PRDM2: variants seen among roughly 807,000 people sequenced by gnomAD.
PRDM2 encodes the protein PR domain zinc finger protein 2.
In PRDM2, 30 loss-of-function variants were observed where a neutral mutation model predicts 130.0. The observed-to-expected ratio is 0.23, with a 90% CI of 0.17 to 0.31. PRDM2 has a LOEUF of 0.31. PRDM2 is among the 10% of genes least tolerant of loss of function. PRDM2 has a pLI of 1.00. For synonymous variants in PRDM2, 871 were observed against 782.4 expected, an observed-to-expected ratio of 1.11 and a Z score of -1.89; for missense variants, 2,011 against 2,108.4, an observed-to-expected ratio of 0.95 and a Z score of 0.90.
At chr1:13,703,841 G>A (rs898479667) in intron 1 of PRDM2, among the ~76,000 whole-genome samples, 2 of 152,312 alleles carry the variant, frequency 1.3e-5, no homozygotes, top group Admixed American at 6.5e-5. Context: ...TAGTTTTTCC[G>A]AAACCTGTTT....
chr1:13,789,140 C>T (rs547385741), intron 8 of PRDM2, among the ~76,000 whole-genome samples: 189 of 152,266 alleles, frequency 1.2e-3, no homozygotes, highest in South Asian at 6.0e-3. Context: ...CACATCACAT[C>T]CATCTCACCA....
At chr1:13,724,542 T>G (rs1202598692) in intron 2 of PRDM2, among the ~76,000 whole-genome samples, 2 of 150,526 alleles carry the variant, frequency 1.3e-5, no homozygotes, top group African/African-American at 4.9e-5. Context: ...GTCCCCAGGC[T>G]GGAGTGCAGT....
intron 8 of PRDM2, 49 bp from the exon 9 acceptor site, chr1:13,816,378 A>G (rs770190860): frequency 1.9e-6 from 3 of 1,607,962 alleles, no homozygotes; most frequent in Non-Finnish European, 2.5e-6. Context: ...TGTCTAGGGC[A>G]CCGGGCTGGG....
At position 13,781,944 on chromosome 1, in the gene PRDM2, G is replaced by A. The variant is rs1208573630; in HGVS notation, c.4149G>A (p.Val1383=). The A allele has an allele frequency of 6.2e-7, 1 of 1,614,174 alleles. No homozygotes were observed. The highest frequency in any genetic ancestry group is 1.7e-5 in the Admixed American group (1 of 60,030). Residue 1383 remains valine (V), a synonymous_variant, in exon 8 of 10, where the codon GTG becomes GTA. Transcript: ENST00000311066. The surrounding 1 kb of genome is among the most constrained non-coding windows in gnomAD (Gnocchi z 6.1). ...AAACTGTGCAACCCAAAAATGGCGT[G>A]GTGGTTTTAGATAACTCTGGGAAAA... The part of the protein sequence containing the change: ...LKQTVQPKNG[V]VVLDNSGKNA...
chr1:13,783,785 A>G (rs879923172), intron 8 of PRDM2, among the ~76,000 whole-genome samples: 1 of 152,182 alleles, frequency 6.6e-6, no homozygotes, highest in Admixed American at 6.5e-5. Context: ...ATCAGATAGC[A>G]TTTCTGCAAA....
chr1:13,768,334 T>G (rs550735939), intron 6 of PRDM2, among the ~76,000 whole-genome samples: 86 of 151,882 alleles, frequency 5.7e-4, no homozygotes, highest in African/African-American at 2.1e-3. Flanking sequence ...CTGCCCACCT[T>G]AGCCTCCCAA....
rs1035807842 is a variant in PRDM2 at position 13,776,959 on chromosome 1, T to C, written c.623-1459T>C. Reference sequence around the variant, plus strand: ...TTTGAAATTTCTAGGCCAGCCTCTTTGTTGAATTCCAGATTCATATAAAGC... The same window carrying C: ...TTTGAAATTTCTAGGCCAGCCTCTTCGTTGAATTCCAGATTCATATAAAGC... On this transcript the variant is annotated intron_variant, in intron 7 of 9. Transcript: ENST00000311066. Among the ~76,000 whole-genome samples, 10 of 152,298 alleles carry C rather than the reference T, an allele frequency of 6.6e-5. No individual in the cohort carries two copies. The East Asian group carries it at 1.2e-3, about 18-fold the overall frequency.
At chr1:13,727,285 C>T (rs1382547442) in intron 2 of PRDM2, among the ~76,000 whole-genome samples, 3 of 151,566 alleles carry the variant, frequency 2.0e-5, no homozygotes, top group Non-Finnish European at 2.9e-5. Flanking sequence ...TTTTTTGAGA[C>T]GGTCTGTCAG....
At position 13,715,573 on chromosome 1, in the gene PRDM2, G is replaced by T; in HGVS notation, c.-33G>T. 1 of 1,549,904 alleles carries T rather than the reference G, an allele frequency of 6.5e-7. No homozygotes were observed. The highest frequency in any genetic ancestry group is 1.4e-5 in the African/African-American group (1 of 71,482). ...GTAATCAAAGAAGTTTCTTTGTTGT[G>T]TGTATCTTTACAGAACACAACAGGA... On this transcript the variant is annotated 5_prime_UTR_variant, in exon 2 of 10. Transcript: ENST00000311066.
At chr1:13,705,820 A>G (rs1049326327) in intron 1 of PRDM2, among the ~76,000 whole-genome samples, 3 of 151,826 alleles carry the variant, frequency 2.0e-5, no homozygotes, top group African/African-American at 7.3e-5. Context: ...CATCTCTACT[A>G]AAAACGCAAA....
At position 13,807,496 on chromosome 1, in the gene PRDM2, A is replaced by AG. The variant is rs1251770711; in HGVS notation, c.5037-8930dup. 2.6e-5 allele frequency among the ~76,000 whole-genome samples: 4 copies of AG among 152,320 alleles called. No individual in the cohort carries two copies. In the South Asian group the frequency reaches 8.3e-4, roughly 32 times the overall value. On this transcript the variant is annotated intron_variant, in intron 8 of 9. Coordinates refer to ENST00000311066, the MANE Select transcript of PRDM2 (RefSeq NM_001393986.1). ...CAACTCAGAAAGTAAAAGGGAGTCG[A>AG]GATGGGGAGTATCAGGGGGATTTGT... is the stretch of plus-strand genomic sequence containing the variant.
rs1644536144 is a variant in PRDM2 at position 13,778,665 on chromosome 1, A to C, written c.870A>C (p.Glu290Asp). Reference sequence around the variant, plus strand: ...AAGATGATGATGATGATGAGTTGGAAGACGAGGGGGAAGAAGAAGCCAGCA... The same window carrying C: ...AAGATGATGATGATGATGAGTTGGACGACGAGGGGGAAGAAGAAGCCAGCA... ...EEEDDDDDELEDEGEEEASMP... is the reference protein window; with the variant it reads ...EEEDDDDDELDDEGEEEASMP... The change falls in exon 8 of 10, where the codon GAA becomes GAC. Residue 290 changes from glutamate (E) to aspartate (D), a missense_variant. Transcript: ENST00000311066. 1 of 1,614,094 alleles carries C rather than the reference A, an allele frequency of 6.2e-7. No individual in the cohort carries two copies. Among genetic ancestry groups the C allele is most frequent in the South Asian group, 1.1e-5 (1 of 91,064 alleles).
At chr1:13,750,121 T>C (rs1165361781) in intron 6 of PRDM2, among the ~76,000 whole-genome samples, 1 of 152,204 alleles carries the variant, frequency 6.6e-6, no homozygotes, top group Non-Finnish European at 1.5e-5. Context: ...TCAATTCTCA[T>C]AGTTTTACGA....
intron 1 of PRDM2, among the ~76,000 whole-genome samples, chr1:13,707,696 C>T (rs1010682842): frequency 6.6e-6 from 1 of 152,018 alleles, no homozygotes; most frequent in Admixed American, 6.6e-5. Flanking sequence ...CTGACCTGCC[C>T]CCAGATTTTT....
rs141226308 is a variant in PRDM2, at chr1:13,779,246, C to A, written c.1451C>A (p.Pro484Gln). The A allele has an allele frequency of 6.2e-7, 1 of 1,614,074 alleles. No homozygotes were observed. The highest frequency in any genetic ancestry group is 1.1e-5 in the South Asian group (1 of 91,072). The stretch of plus-strand genomic sequence containing the variant: ...AATGGGGAAGTTAAAGAACTTCATC[C>A]GTGCAAATATTGTAAAAAGGTTTTT... The part of the protein sequence containing the change: ...EENGEVKELH[P>Q]CKYCKKVFGT... Residue 484 changes from proline (P) to glutamine (Q), a missense_variant, in exon 8 of 10, where the codon CCG (proline) becomes CAG (glutamine). By Grantham distance (76) the Pro-to-Gln change is moderately conservative (BLOSUM62 -1). Around this residue, in one of 5 missense-constraint regions of PRDM2, gnomAD observed 1,288 missense variants for 1,237.7 expected, o/e 1.04. Coordinates refer to ENST00000311066, the MANE Select transcript of PRDM2 (RefSeq NM_001393986.1). This position sits in a 1 kb window ranked among gnomAD's most constrained non-coding sequence, Gnocchi z 4.9.
intron 6 of PRDM2, among the ~76,000 whole-genome samples, chr1:13,751,789 C>T (rs1382683410): frequency 6.6e-6 from 1 of 152,178 alleles, no homozygotes; most frequent in East Asian, 1.9e-4. Context: ...TGGACCTCAG[C>T]TCCTTTGCGT....
chr1:13,724,863 C>CTT (rs562055797), intron 2 of PRDM2, among the ~76,000 whole-genome samples: 21 of 152,098 alleles, frequency 1.4e-4, no homozygotes, highest in Non-Finnish European at 2.6e-4. Context: ...GGGGAGAAAG[C>CTT]TTATAGTTGT....
At chr1:13,741,955 A>T in intron 4 of PRDM2, 50 bp from the exon 5 acceptor site, 1 of 1,435,328 alleles carries the variant, frequency 7.0e-7, no homozygotes, top group Non-Finnish European at 9.7e-7. Context: ...GAGGCATTTT[A>T]AAGATACTCC....
chr1:13,730,109 C>T (rs1366054499), intron 2 of PRDM2, among the ~76,000 whole-genome samples: 1 of 152,184 alleles, frequency 6.6e-6, no homozygotes, highest in Non-Finnish European at 1.5e-5. Context: ...ATGAAACACA[C>T]TCAGACTACA....
Sources: allele counts gnomAD v4.1 joint callset (sites outside exome capture counted in the v4.1 genomes callset), GRCh38; gene constraint gnomAD v4.1.1; regional missense constraint gnomAD v4.1.1; non-coding constraint Gnocchi (gnomAD v3.1); transcripts MANE v1.5; gene names NCBI Gene and HGNC (gene_info 2026-07-23, HGNC 2026-07-21).